The following ARHGAP15 variants were observed in gnomAD, a reference collection of about 807,000 sequenced individuals.
ARHGAP15 encodes the protein Rho GTPase activating protein 15, also known as rho GTPase-activating protein 15.
Under a neutral mutation model 63.7 loss-of-function variants are expected in ARHGAP15, and 51 were observed. That is an observed-to-expected ratio of 0.80 (90% CI 0.64 to 1.01). The LOEUF (loss-of-function observed/expected upper bound fraction) is 1.01, where lower values mean the gene tolerates loss of function less well. Ranked by LOEUF, ARHGAP15 falls within the 50% of genes least tolerant of loss-of-function variation. ARHGAP15 has a pLI of 0.00. For missense variants in ARHGAP15, 560 were observed against 564.6 expected (o/e 0.99, Z 0.08); for synonymous variants, 191 against 193.8 (o/e 0.99, Z 0.12).
intron 8 of ARHGAP15, among the ~76,000 whole-genome samples, chr2:143,461,245 A>ATTCTAGCC (rs1415816617): frequency 8.5e-6 from 1 of 117,814 alleles, no homozygotes; most frequent in Non-Finnish European, 1.6e-5. Flanking sequence ...GCACCACTGC[A>ATTCTAGCC]TTCTAGCCTG....
At chr2:143,484,315 G>A (rs894342854) in intron 8 of ARHGAP15, among the ~76,000 whole-genome samples, 1 of 147,942 alleles carries the variant, frequency 6.8e-6, no homozygotes, top group African/African-American at 2.5e-5. Context: ...GCAGTGAGCC[G>A]AGATCGCACC....
intron 11 of ARHGAP15, among the ~76,000 whole-genome samples, chr2:143,569,171 C>A (rs1421735645): frequency 4.7e-5 from 7 of 150,408 alleles, no homozygotes; most frequent in South Asian, 2.1e-4. Flanking sequence ...ATAATTTAAA[C>A]AAAAAAAAAG....
At chr2:143,555,905 T>C (rs1218787413) in intron 10 of ARHGAP15, among the ~76,000 whole-genome samples, 3 of 90,160 alleles carry the variant, frequency 3.3e-5, no homozygotes, top group South Asian at 7.5e-4. Context: ...TAGAATAGAA[T>C]AGAATAGAAT....
chr2:143,710,356 T>G (rs1237909432), intron 13 of ARHGAP15, among the ~76,000 whole-genome samples: 4 of 152,124 alleles, frequency 2.6e-5, no homozygotes, highest in Non-Finnish European at 5.9e-5. Context: ...GAAAATTAAT[T>G]ACTCTGATCG....
chr2:143,742,942 G>T (rs1292421220), intron 13 of ARHGAP15, among the ~76,000 whole-genome samples: 1 of 152,220 alleles, frequency 6.6e-6, no homozygotes, highest in African/African-American at 2.4e-5. Flanking sequence ...AGGAAAGCAA[G>T]GGGCCTGGGG....
chr2:143,587,372 G>T (rs189081948), intron 11 of ARHGAP15, among the ~76,000 whole-genome samples: 33 of 151,314 alleles, frequency 2.2e-4, no homozygotes, highest in Non-Finnish European at 4.0e-4. Context: ...AAGATTGAAG[G>T]GTTGTATTGT....
At chr2:143,216,291 G>A (rs1451805) in intron 3 of ARHGAP15, 93 bp from the exon 4 acceptor site, 723,615 of 946,962 alleles carry the variant, frequency 0.76, 279,739 homozygotes, top group African/African-American at 0.95. Context: ...GAAAACTTCC[G>A]TCACTGCAAT....
chr2:143,379,485 A>G (rs1300426812), intron 6 of ARHGAP15, among the ~76,000 whole-genome samples: 12 of 90,096 alleles, frequency 1.3e-4, no homozygotes, highest in African/African-American at 4.0e-4. Flanking sequence ...TTAGGCATAT[A>G]TATGTGTGTG....
At chr2:143,741,336 C>A (rs758705571) in intron 13 of ARHGAP15, 1 of 152,202 alleles carries the variant, frequency 6.6e-6, no homozygotes, top group African/African-American at 2.4e-5. Flanking sequence ...AAATGCTCAA[C>A]CATTTTCTTC....
chr2:143,645,777 G>T (rs542496728), intron 12 of ARHGAP15, among the ~76,000 whole-genome samples: 3 of 152,050 alleles, frequency 2.0e-5, no homozygotes, highest in Non-Finnish European at 4.4e-5. Flanking sequence ...AGCTTATATT[G>T]CAAGAAATGC....
chr2:143,341,681 C>G (rs780373497), intron 6 of ARHGAP15, among the ~76,000 whole-genome samples: 1 of 152,062 alleles, frequency 6.6e-6, no homozygotes, highest in Non-Finnish European at 1.5e-5. Context: ...TTCTTGCTTA[C>G]TCTGCATTAA....
At chr2:143,256,276 A>G (rs1680423019) in intron 6 of ARHGAP15, among the ~76,000 whole-genome samples, 1 of 152,142 alleles carries the variant, frequency 6.6e-6, no homozygotes, top group East Asian at 1.9e-4. Context: ...ATTTTAGAAG[A>G]ATAGGGTTGA....
chr2:143,354,604 T>C (rs914791809), intron 6 of ARHGAP15, among the ~76,000 whole-genome samples: 1 of 152,128 alleles, frequency 6.6e-6, no homozygotes, highest in Non-Finnish European at 1.5e-5. Flanking sequence ...CGGGCCATTT[T>C]AAGAAAAGCA....
chr2:143,545,769 C>T (rs923192168), intron 10 of ARHGAP15, among the ~76,000 whole-genome samples: 2 of 151,744 alleles, frequency 1.3e-5, no homozygotes, highest in Admixed American at 1.3e-4. Context: ...CCTACGTCTT[C>T]AGCAGTAAGT....
At chr2:143,182,782 T>C (rs1386095213) in intron 2 of ARHGAP15, among the ~76,000 whole-genome samples, 3 of 152,154 alleles carry the variant, frequency 2.0e-5, no homozygotes, top group Non-Finnish European at 4.4e-5. Flanking sequence ...TTAGGTGAGA[T>C]GGCGTTATGT....
At chr2:143,350,856 A>G (rs1406288015) in intron 6 of ARHGAP15, 3 of 150,550 alleles carry the variant, frequency 2.0e-5, no homozygotes, top group Non-Finnish European at 3.0e-5. Flanking sequence ...AAAAAAAAAA[A>G]AAAAAAGAAA....
chr2:143,474,582 G>A (rs1691726272), intron 8 of ARHGAP15, among the ~76,000 whole-genome samples: 1 of 152,206 alleles, frequency 6.6e-6, no homozygotes, highest in African/African-American at 2.4e-5. Context: ...TTAAATGTGA[G>A]ATTAGAGAGG....
intron 13 of ARHGAP15, among the ~76,000 whole-genome samples, chr2:143,719,449 C>T (rs1289671225): frequency 6.6e-6 from 1 of 152,230 alleles, no homozygotes; most frequent in Non-Finnish European, 1.5e-5. Context: ...AATCATTTCA[C>T]ATCTCAGAAA....
chr2:143,609,656 G>C (rs1698178110), intron 11 of ARHGAP15, among the ~76,000 whole-genome samples: 1 of 152,086 alleles, frequency 6.6e-6, no homozygotes, highest in Non-Finnish European at 1.5e-5. Flanking sequence ...CAGAATATGG[G>C]ATTGATGTGT....
Sources: gnomAD v4.1 joint callset for allele counts (sites outside exome capture counted in the v4.1 genomes callset) on GRCh38, gnomAD v4.1.1 for gene constraint, MANE v1.5 for transcripts, NCBI Gene and HGNC (gene_info 2026-07-23, HGNC 2026-07-21) for gene names.